The following POLE4 variants were observed in gnomAD, a reference collection of about 807,000 sequenced individuals.
The protein encoded by POLE4 is DNA polymerase epsilon 4, accessory subunit, also known as DNA polymerase epsilon subunit 4.
Under a neutral mutation model 15.6 loss-of-function variants are expected in POLE4, and 15 were observed. The ratio of observed to expected loss-of-function variants is 0.96; its 90% CI spans 0.64 to 1.48. POLE4 has a LOEUF of 1.48. POLE4 is among the 40% of genes most tolerant of loss of function. The probability of loss-of-function intolerance (pLI) is 0.00; values close to 1 mark genes in which losing one functional copy is unlikely to be tolerated. For synonymous variants in POLE4, 83 were observed against 63.2 expected (o/e 1.31, Z -1.49); for missense variants, 205 against 151.9 (o/e 1.35, Z -1.84).
chr2:74,962,571 T>G (rs1467482861), intron 3 of POLE4, among the ~76,000 whole-genome samples: 2 of 152,230 alleles, frequency 1.3e-5, no homozygotes, highest in African/African-American at 4.8e-5. Context: ...TTTATGCAAA[T>G]ATGTTTGTAT....
In POLE4 at chr2:74,958,651, C is replaced by T; in HGVS notation, c.-29C>T. 7.9e-6 allele frequency: 11 copies of T among 1,394,196 alleles called. No homozygotes were observed. The highest frequency in any genetic ancestry group is 1.0e-5 in the Non-Finnish European group (11 of 1,079,798). The allele number at this position is 1,394,196 out of a possible 1,614,324, so 86.4% of individuals were successfully genotyped here. A position where few individuals can be genotyped will look rare whatever the true frequency, so the allele number is the denominator to read the frequency against. Reference sequence around the variant, plus strand: ...GCGCCGCATGCGCGCGCACAGTCGGCGGCCGCGCGCAGCACGCTCAAGGCC... The same window carrying T: ...GCGCCGCATGCGCGCGCACAGTCGGTGGCCGCGCGCAGCACGCTCAAGGCC... On this transcript the variant is annotated 5_prime_UTR_variant, in exon 1 of 4. Coordinates refer to ENST00000483063, the MANE Select transcript of POLE4 (RefSeq NM_019896.4).
At chr2:74,965,842 G>A (rs757642804) in intron 3 of POLE4, among the ~76,000 whole-genome samples, 3 of 151,972 alleles carry the variant, frequency 2.0e-5, no homozygotes, top group Admixed American at 6.6e-5. Context: ...TTATTTGCAC[G>A]GTACGGATTT....
Position 74,959,378 on chromosome 2 carries a change from G to C in POLE4, c.251G>C (p.Cys84Ser), listed in dbSNP as rs772167077. 6.2e-7 allele frequency: 1 copy of C among 1,613,894 alleles called. No homozygotes were observed. Among genetic ancestry groups the C allele is most frequent in the Admixed American group, 1.7e-5 (1 of 60,014 alleles). Residue 84 changes from cysteine to serine, a missense_variant, in exon 2 of 4, where the codon TGT (cysteine) becomes TCT (serine). Physicochemically the swap from Cys to Ser is moderately radical, Grantham distance 112. Coordinates refer to ENST00000483063, the MANE Select transcript of POLE4 (RefSeq NM_019896.4). ...GAGACCATTGCAAAAGATGCCTACTGTTGCGCTCAGCAGGGAAAAAGGAAA... is the reference window on the plus strand; with the variant it reads ...GAGACCATTGCAAAAGATGCCTACTCTTGCGCTCAGCAGGGAAAAAGGAAA... The part of the protein sequence containing the change: ...FVETIAKDAY[C>S]CAQQGKRKTL...
chr2:74,964,918 C>G (rs1490538709), intron 3 of POLE4, among the ~76,000 whole-genome samples: 7 of 151,936 alleles, frequency 4.6e-5, no homozygotes, highest in African/African-American at 1.7e-4. Flanking sequence ...TTTTTGACTT[C>G]CAAGGGAAAG....
At chr2:74,968,256 A>T (rs1671321741) in intron 3 of POLE4, among the ~76,000 whole-genome samples, 1 of 151,576 alleles carries the variant, frequency 6.6e-6, no homozygotes, top group East Asian at 1.9e-4. Flanking sequence ...ATTTTTTTTT[A>T]AATTAGAAGT....
chr2:74,964,190 A>G (rs889680463), intron 3 of POLE4, among the ~76,000 whole-genome samples: 2 of 152,080 alleles, frequency 1.3e-5, no homozygotes. Flanking sequence ...CCATTGATCT[A>G]TTTGTATCTC....
chr2:74,966,727 C>A (rs879561897), intron 3 of POLE4, among the ~76,000 whole-genome samples: 1 of 152,142 alleles, frequency 6.6e-6, no homozygotes, highest in Admixed American at 6.5e-5. Flanking sequence ...TCCGATCCTC[C>A]ATTTGTGATC....
intron 3 of POLE4, among the ~76,000 whole-genome samples, chr2:74,968,163 C>A (rs1671321114): frequency 6.6e-6 from 1 of 152,168 alleles, no homozygotes; most frequent in Non-Finnish European, 1.5e-5. Flanking sequence ...TCTTCAATTC[C>A]TGAAGATTTC....
chr2:74,965,683 G>C (rs1671285029), intron 3 of POLE4, among the ~76,000 whole-genome samples: 1 of 152,150 alleles, frequency 6.6e-6, no homozygotes, highest in South Asian at 2.1e-4. Flanking sequence ...CATGTGATTA[G>C]ATATATACAA....
intron 3 of POLE4, among the ~76,000 whole-genome samples, chr2:74,967,567 T>C (rs1027028947): frequency 3.9e-5 from 6 of 152,202 alleles, no homozygotes; most frequent in African/African-American, 1.4e-4. Context: ...TCAAAGCCTT[T>C]TGAGTTTTTT....
chr2:74,968,956 T>G (rs901376312), intron 3 of POLE4, among the ~76,000 whole-genome samples: 42 of 152,268 alleles, frequency 2.8e-4, no homozygotes, highest in African/African-American at 9.9e-4. Context: ...CCCTATTTGT[T>G]GTAGATTTAT....
intron 3 of POLE4, chr2:74,961,437 C>T (rs1671219225): frequency 6.6e-6 from 1 of 152,218 alleles, no homozygotes; most frequent in Admixed American, 6.5e-5. Context: ...TTTTGTTAGT[C>T]CTACCTAAGG....
In POLE4 at chr2:74,969,881, C is replaced by T; in HGVS notation, c.*459C>T. ...TTGTTCTTTTATTTTTCCAGCACAT[C>T]ACCAGAAAGTGGTTCCAGAATTTAT... On this transcript the variant is annotated 3_prime_UTR_variant, in exon 4 of 4. Coordinates refer to ENST00000483063, the MANE Select transcript of POLE4 (RefSeq NM_019896.4). The T allele has an allele frequency of 6.4e-6, 1 of 156,486 alleles. No individual in the cohort carries two copies. Among genetic ancestry groups the T allele is most frequent in the Middle Eastern group, 3.3e-3 (1 of 300 alleles). The allele number at this position is 156,486 out of a possible 1,614,324, so 9.7% of individuals were successfully genotyped here.
At chr2:74,960,184 C>G (rs767278405) in intron 3 of POLE4, 38 bp downstream of exon 3, 1 of 1,550,796 alleles carries the variant, frequency 6.4e-7, no homozygotes, top group East Asian at 2.2e-5. Flanking sequence ...TTCCGCCTGT[C>G]TTTTGCATGT....
chr2:74,967,931 C>A (rs1671318664), intron 3 of POLE4, among the ~76,000 whole-genome samples: 1 of 151,772 alleles, frequency 6.6e-6, no homozygotes, highest in African/African-American at 2.4e-5. Flanking sequence ...TCTGAGGGGG[C>A]AGCCTTTTGG....
chr2:74,961,545 C>T (rs1671220835), intron 3 of POLE4: 2 of 152,224 alleles, frequency 1.3e-5, no homozygotes, highest in Admixed American at 6.5e-5. Context: ...TTTTCAAAGA[C>T]ATGAGTGATA....
At chr2:74,967,841 G>A (rs1227388514) in intron 3 of POLE4, among the ~76,000 whole-genome samples, 1 of 152,188 alleles carries the variant, frequency 6.6e-6, no homozygotes, top group Non-Finnish European at 1.5e-5. Flanking sequence ...AGACTTGAAG[G>A]TTTCTGGACT....
intron 1 of POLE4, 96 bp downstream of exon 1, chr2:74,958,988 C>A: frequency 2.5e-6 from 3 of 1,211,882 alleles, no homozygotes; most frequent in Non-Finnish European, 3.4e-6. Flanking sequence ...GGCGGCGTGG[C>A]CCGGGTTTTG....
chr2:74,964,883 T>C (rs1157835837), intron 3 of POLE4, among the ~76,000 whole-genome samples: 1 of 152,146 alleles, frequency 6.6e-6, no homozygotes, highest in African/African-American at 2.4e-5. Context: ...AGTACAGTGT[T>C]GCATGGAAGT....
Sources: gnomAD v4.1 joint callset for allele counts (sites outside exome capture counted in the v4.1 genomes callset) on GRCh38, gnomAD v4.1.1 for gene constraint, MANE v1.5 for transcripts, NCBI Gene and HGNC (gene_info 2026-07-23, HGNC 2026-07-21) for gene names.